Variants in CLTCL1 observed in about 807,000 individuals in gnomAD.
The protein encoded by CLTCL1 is clathrin heavy chain like 1.
In CLTCL1, 159 loss-of-function variants were observed where a neutral mutation model predicts 190.0. That is an observed-to-expected ratio of 0.84 (90% CI 0.74 to 0.95). CLTCL1 has a LOEUF of 0.95. Ranked by LOEUF, CLTCL1 falls within the 40% of genes least tolerant of loss-of-function variation. CLTCL1 has a pLI of 0.00. For synonymous variants in CLTCL1, 752 were observed against 769.6 expected (o/e 0.98, Z 0.38); for missense variants, 1,878 against 2,033.4 (o/e 0.92, Z 1.47).
chr22:19,204,188 C>T (rs1041933885), intron 22 of CLTCL1, among the ~76,000 whole-genome samples: 8 of 152,152 alleles, frequency 5.3e-5, no homozygotes, highest in African/African-American at 1.7e-4. Context: ...TCGCCCAGAG[C>T]AGAAGCCAGA....
intron 1 of CLTCL1, 100 bp from the exon 2 acceptor site, chr22:19,275,930 A>G: frequency 2.4e-6 from 2 of 849,226 alleles, no homozygotes; most frequent in South Asian, 3.6e-5. Flanking sequence ...TTTAGAAAAA[A>G]GTTAACATTA....
At chr22:19,180,980 A>T in intron 30 of CLTCL1, 174 bp from the exon 31 acceptor site, 2 of 622,458 alleles carry the variant, frequency 3.2e-6, no homozygotes, top group Admixed American at 5.0e-5. Flanking sequence ...TTTAGAATGC[A>T]GCAAGGCATG....
intron 2 of CLTCL1, among the ~76,000 whole-genome samples, chr22:19,267,103 A>C (rs1177122076): frequency 6.6e-6 from 1 of 152,208 alleles, no homozygotes; most frequent in Non-Finnish European, 1.5e-5. Flanking sequence ...TCCACTAAAA[A>C]CTACAAGAAT....
intron 17 of CLTCL1, among the ~76,000 whole-genome samples, chr22:19,220,415 T>G (rs1382405559): frequency 1.3e-5 from 2 of 152,226 alleles, no homozygotes; most frequent in Non-Finnish European, 2.9e-5. Context: ...TAGCTAGCTT[T>G]AAACCATCTG....
chr22:19,271,328 T>A (rs552972711), intron 2 of CLTCL1, among the ~76,000 whole-genome samples: 1 of 152,196 alleles, frequency 6.6e-6, no homozygotes, highest in East Asian at 1.9e-4. Flanking sequence ...GGAGGCAGAT[T>A]TCCCCCTTGC....
In CLTCL1 at chr22:19,179,580, G is replaced by A. The variant is rs1464107683; in HGVS notation, c.*410C>T. On this transcript the variant is annotated 3_prime_UTR_variant, in exon 33 of 33. Transcript: ENST00000427926. ...GACGTGTTCATGTAGTCTTCAAACT[G>A]GCCTGGAGGGGGCAGCTCCAGCCAG... 2 of 155,496 alleles carry A rather than the reference G, an allele frequency of 1.3e-5. No homozygotes were observed. The highest frequency in any genetic ancestry group is 6.3e-5 in the Admixed American group (1 of 15,976). 9.6% of individuals were successfully genotyped at this position (155,496 alleles called of 1,614,324 possible).
At chr22:19,206,030 G>T (rs1555942576) in intron 22 of CLTCL1, among the ~76,000 whole-genome samples, 1 of 151,298 alleles carries the variant, frequency 6.6e-6, no homozygotes, top group Admixed American at 6.6e-5. Context: ...AGCCTCCAGT[G>T]AGTCTCCCAC....
intron 3 of CLTCL1, among the ~76,000 whole-genome samples, chr22:19,243,407 C>T (rs1168966959): frequency 6.6e-6 from 1 of 152,022 alleles, no homozygotes; most frequent in Non-Finnish European, 1.5e-5. Flanking sequence ...CACTTGAGGC[C>T]GAGAGTTCAA....
intron 10 of CLTCL1, 21 bp from the exon 11 acceptor site, chr22:19,229,996 A>G (rs539247384): frequency 3.8e-6 from 6 of 1,577,744 alleles, no homozygotes; most frequent in Admixed American, 1.8e-5. Context: ...TCCAAGCCAC[A>G]TTTTCACTCA....
At chr22:19,218,318 C>A (rs1555950658) in intron 18 of CLTCL1, among the ~76,000 whole-genome samples, 1 of 152,156 alleles carries the variant, frequency 6.6e-6, no homozygotes. Context: ...GGATGTAGAA[C>A]CCTAGTAGAA....
At chr22:19,238,849 T>TA (rs1358152030) in intron 5 of CLTCL1, 1 of 156,696 alleles carries the variant, frequency 6.4e-6, no homozygotes, top group African/African-American at 2.4e-5. Flanking sequence ...TTCTTTTTTT[T>TA]ATTATTATAA....
intron 3 of CLTCL1, among the ~76,000 whole-genome samples, chr22:19,247,449 T>C (rs2086453942): frequency 5.3e-5 from 8 of 152,234 alleles, no homozygotes; most frequent in Admixed American, 5.2e-4. Flanking sequence ...AGCATATACA[T>C]GTAACTATGA....
Position 19,183,510 on chromosome 22 carries a change from A to G in CLTCL1, c.4707T>C (p.Cys1569=). 6.2e-7 allele frequency: 1 copy of G among 1,613,790 alleles called. No individual in the cohort carries two copies. Among genetic ancestry groups the G allele is most frequent in the South Asian group, 1.1e-5 (1 of 91,088 alleles). Residue 1569 remains cysteine (C), a synonymous_variant, in exon 30 of 33, where the codon TGT becomes TGC. Coordinates refer to ENST00000427926, the MANE Select transcript of CLTCL1 (RefSeq NM_007098.4). ...GAAGCAGGTCATAGCAGGTGAAGAG[A>G]CAAGCTGCGAAGCACTCCCTCTTGC... The part of the protein sequence containing the change: ...EEGKRECFAA[C]LFTCYDLLRP...
At chr22:19,207,787 G>A (rs782812750) in intron 22 of CLTCL1, 15 of 581,258 alleles carry the variant, frequency 2.6e-5, no homozygotes, top group South Asian at 1.8e-4. Context: ...AACAGCACAC[G>A]CGAGGATCTG....
intron 13 of CLTCL1, among the ~76,000 whole-genome samples, chr22:19,224,732 T>C (rs1555954714): frequency 3.3e-5 from 5 of 152,118 alleles, no homozygotes; most frequent in Non-Finnish European, 7.4e-5. Flanking sequence ...CCAGCTCCAC[T>C]CAATCGTCTG....
At chr22:19,180,328 C>T in intron 31 of CLTCL1, 90 bp from the exon 32 acceptor site, 4 of 1,367,692 alleles carry the variant, frequency 2.9e-6, no homozygotes, top group Non-Finnish European at 4.1e-6. Context: ...CACACCACAC[C>T]CTCAGGCCTG....
rs537696945 is a variant in CLTCL1 at position 19,269,108 on chromosome 22, A to G, written c.250+6515T>C. 3.2e-3 allele frequency among the ~76,000 whole-genome samples: 485 copies of G among 151,952 alleles called. 2 individuals carry two copies. Among genetic ancestry groups the G allele is most frequent in the African/African-American group, 0.011 (461 of 41,438 alleles). ...CCTCAAAAAAAAAAAAAAAGAAGAA[A>G]AAAAGCTAAACAGGCCGGTAGTGGT... On this transcript the variant is annotated intron_variant, in intron 2 of 32. Transcript: ENST00000427926.
intron 2 of CLTCL1, among the ~76,000 whole-genome samples, chr22:19,259,157 G>T (rs1272881664): frequency 1.3e-5 from 2 of 152,154 alleles, no homozygotes; most frequent in African/African-American, 4.8e-5. Context: ...CCAGGCTGGA[G>T]TGCAATGGCA....
At position 19,199,764 on chromosome 22, in the gene CLTCL1, A is replaced by T; in HGVS notation, c.3843T>A (p.Asp1281Glu). 1 of 1,594,090 alleles carries T rather than the reference A, an allele frequency of 6.3e-7. No individual in the cohort carries two copies. The highest frequency in any genetic ancestry group is 1.1e-5 in the South Asian group (1 of 87,114). ...LCGLHIVIHADELEELMCYYQ... is the reference protein window; with the variant it reads ...LCGLHIVIHAEELEELMCYYQ... ...AATAGCACATCAGCTCCTCCAGCTC[A>T]TCTGCATGAATGACGATGTGAAGAC... The change falls in exon 24 of 33, where the codon GAT becomes GAA. Residue 1281 changes from aspartate to glutamate, a missense_variant. Physicochemically the swap from Asp to Glu is conservative, Grantham distance 45 (BLOSUM62 2). Transcript: ENST00000427926.
Sources: gnomAD v4.1 joint callset for allele counts (sites outside exome capture counted in the v4.1 genomes callset) on GRCh38, gnomAD v4.1.1 for gene constraint, MANE v1.5 for transcripts, NCBI Gene and HGNC (gene_info 2026-07-23, HGNC 2026-07-21) for gene names.